Variants in PHF24 observed in about 807,000 individuals in gnomAD.
PHF24 encodes Galpha inhibitory interacting protein.
PHF24 carries 25 observed loss-of-function variants against 42.6 expected under a neutral mutation model. That is an observed-to-expected ratio of 0.59 (90% CI 0.43 to 0.82). The LOEUF (loss-of-function observed/expected upper bound fraction) is 0.82. Ranked by LOEUF, PHF24 falls within the 40% of genes least tolerant of loss-of-function variation. The pLI, the probability that PHF24 is intolerant of heterozygous loss-of-function variation, is 0.00. For missense variants in PHF24, 470 were observed against 538.1 expected (o/e 0.87, Z 1.25); for synonymous variants, 185 against 204.8 (o/e 0.90, Z 0.83).
chr9:34,831,697 C>T, the PHF24 span, among the ~76,000 whole-genome samples: 8 of 152,194 alleles, frequency 5.3e-5, no homozygotes, highest in Non-Finnish European at 8.8e-5. Flanking sequence ...CCTCCAACTA[C>T]GTGACCCTGC....
chr9:34,750,305 G>A, the PHF24 span, among the ~76,000 whole-genome samples: 118,519 of 151,776 alleles, frequency 0.78, 46,923 homozygotes, highest in East Asian at 0.95. Flanking sequence ...GACCAGACTG[G>A]TCAACATGGT....
chr9:34,836,041 A>AG, the PHF24 span: 2 of 625,384 alleles, frequency 3.2e-6, no homozygotes, highest in Non-Finnish European at 6.1e-6. Flanking sequence ...CTCTGGGGGA[A>AG]GCCAGCCCTG....
At chr9:34,785,185 T>C in the PHF24 span, among the ~76,000 whole-genome samples, 1 of 152,194 alleles carries the variant, frequency 6.6e-6, no homozygotes, top group Non-Finnish European at 1.5e-5. Flanking sequence ...GTTCTTTCTG[T>C]ATCCAAGATG....
chr9:34,978,400 A>T, exon 8 of PHF24: 1 of 398,858 alleles, frequency 2.5e-6, no homozygotes. Flanking sequence ...ACATGTGCAC[A>T]TGCTGCCCAG....
the PHF24 span, among the ~76,000 whole-genome samples, chr9:34,801,793 G>T: frequency 6.6e-6 from 1 of 151,584 alleles, no homozygotes; most frequent in Non-Finnish European, 1.5e-5. Context: ...ATCATTCTCA[G>T]CAAACTAACA....
At chr9:34,907,510 C>T in the PHF24 span, among the ~76,000 whole-genome samples, 1 of 152,124 alleles carries the variant, frequency 6.6e-6, no homozygotes, top group South Asian at 2.1e-4. Flanking sequence ...CCCTTTGCCA[C>T]CTAGAAGGGG....
chr9:34,677,387 C>CTTTTTTTTTTTTTTTTTTTT, the PHF24 span, among the ~76,000 whole-genome samples: 1 of 110,944 alleles, frequency 9.0e-6, no homozygotes, highest in Non-Finnish European at 1.9e-5. Flanking sequence ...TCTTTGTAAA[C>CTTTTTTTTTTTTTTTTTTTT]TGTTTTTTTT....
At chr9:34,721,613 G>A in the PHF24 span, among the ~76,000 whole-genome samples, 1 of 152,114 alleles carries the variant, frequency 6.6e-6, no homozygotes, top group Non-Finnish European at 1.5e-5. Flanking sequence ...GTTTCACCAT[G>A]TTGGCCAGGC....
chr9:34,953,951 A>G (rs1826315118), upstream of PHF24, among the ~76,000 whole-genome samples: 1 of 152,118 alleles, frequency 6.6e-6, no homozygotes, highest in Non-Finnish European at 1.5e-5. The surrounding 1 kb of genome is among the most constrained non-coding windows in gnomAD (Gnocchi z 4.1). Flanking sequence ...ACAAACAAAC[A>G]ACGACAACAA....
the PHF24 span, among the ~76,000 whole-genome samples, chr9:34,847,238 A>T: frequency 6.6e-6 from 1 of 152,146 alleles, no homozygotes; most frequent in East Asian, 1.9e-4. Context: ...ATGAACATGG[A>T]ATGTTCTTCC....
At chr9:34,924,960 G>T in the PHF24 span, among the ~76,000 whole-genome samples, 1 of 152,008 alleles carries the variant, frequency 6.6e-6, no homozygotes, top group Non-Finnish European at 1.5e-5. Flanking sequence ...GAGTTTTATA[G>T]TTTCACATGT....
At chr9:34,675,679 C>G in the PHF24 span, among the ~76,000 whole-genome samples, 6 of 152,160 alleles carry the variant, frequency 3.9e-5, no homozygotes, top group African/African-American at 9.7e-5. Flanking sequence ...CCAGGGTTTC[C>G]TCAATAGTTA....
the PHF24 span, among the ~76,000 whole-genome samples, chr9:34,737,957 C>CT: frequency 0.04 from 5,707 of 144,364 alleles, 356 homozygotes; most frequent in African/African-American, 0.13. Context: ...TTTTGTCTAG[C>CT]TTTTTTTTTT....
upstream of PHF24, among the ~76,000 whole-genome samples, chr9:34,954,412 A>T (rs1826324220): frequency 2.6e-5 from 4 of 152,216 alleles, no homozygotes; most frequent in South Asian, 8.3e-4. Context: ...TAAATCTGAG[A>T]AGGCCACTGG....
At chr9:34,832,130 G>C in the PHF24 span, among the ~76,000 whole-genome samples, 1 of 152,188 alleles carries the variant, frequency 6.6e-6, no homozygotes, top group Non-Finnish European at 1.5e-5. Flanking sequence ...GAAACATATA[G>C]AGTGCATTTC....
At chr9:34,782,612 C>T in the PHF24 span, among the ~76,000 whole-genome samples, 2 of 152,108 alleles carry the variant, frequency 1.3e-5, no homozygotes, top group East Asian at 1.9e-4. Flanking sequence ...CTTCCAACAG[C>T]GATATAGACT....
At chr9:34,738,779 C>T in the PHF24 span, among the ~76,000 whole-genome samples, 2 of 152,298 alleles carry the variant, frequency 1.3e-5, no homozygotes, top group East Asian at 3.9e-4. Flanking sequence ...GACTTGCTTA[C>T]AGCTCCCCAG....
the PHF24 span, among the ~76,000 whole-genome samples, chr9:34,939,710 A>T: frequency 6.6e-6 from 1 of 152,148 alleles, no homozygotes; most frequent in Non-Finnish European, 1.5e-5. Flanking sequence ...ACAGTAGGAG[A>T]TTGGAGAGGC....
At chr9:34,971,797 C>A (rs1484917187) in intron 2 of PHF24, 121 bp downstream of exon 2, 10 of 1,120,002 alleles carry the variant, frequency 8.9e-6, no homozygotes, top group Middle Eastern at 2.3e-4. Context: ...CCAAAAAAAT[C>A]TTTGAATTTC....
Sources: allele counts gnomAD v4.1 joint callset (sites outside exome capture counted in the v4.1 genomes callset), GRCh38; gene constraint gnomAD v4.1.1; non-coding constraint Gnocchi (gnomAD v3.1); transcripts MANE v1.5; gene names NCBI Gene and HGNC (gene_info 2026-07-23, HGNC 2026-07-21).